The following CAMKMT variants were observed in gnomAD, a reference collection of about 807,000 sequenced individuals.
The protein encoded by CAMKMT is CaM KMT.
In CAMKMT, 53 loss-of-function variants were observed where a neutral mutation model predicts 48.0. That is an observed-to-expected ratio of 1.10 (90% CI 0.89 to 1.39). CAMKMT has a LOEUF of 1.39. CAMKMT is among the 40% of genes most tolerant of loss of function. The pLI is 0.00. For synonymous variants in CAMKMT, 165 were observed against 152.3 expected, an observed-to-expected ratio of 1.08 and a Z score of -0.61; for missense variants, 428 against 402.7, an observed-to-expected ratio of 1.06 and a Z score of -0.54.
intron 3 of CAMKMT, among the ~76,000 whole-genome samples, chr2:44,541,571 T>A (rs1667107310): frequency 6.6e-6 from 1 of 152,070 alleles, no homozygotes; most frequent in Non-Finnish European, 1.5e-5. Flanking sequence ...GATACATATA[T>A]ATATGCCTGG....
intron 8 of CAMKMT, among the ~76,000 whole-genome samples, chr2:44,748,294 G>A (rs1341427850): frequency 1.3e-5 from 2 of 152,192 alleles, no homozygotes; most frequent in Non-Finnish European, 2.9e-5. Context: ...TGTGTGCCGT[G>A]TGTTAAGCTG....
chr2:44,741,100 G>A (rs1024194024), intron 7 of CAMKMT, among the ~76,000 whole-genome samples: 6 of 152,194 alleles, frequency 3.9e-5, no homozygotes, highest in African/African-American at 7.2e-5. Context: ...ACACTGCTGC[G>A]ACATCCAAGC....
intron 3 of CAMKMT, among the ~76,000 whole-genome samples, chr2:44,516,452 A>G (rs1482652513): frequency 1.6e-4 from 25 of 152,180 alleles, no homozygotes; most frequent in Admixed American, 1.6e-3. Flanking sequence ...CCTAGTGAAT[A>G]TAACTAAGGG....
intron 3 of CAMKMT, among the ~76,000 whole-genome samples, chr2:44,678,221 T>C (rs1035397133): frequency 1.3e-5 from 2 of 152,192 alleles, no homozygotes; most frequent in African/African-American, 2.4e-5. Flanking sequence ...AAAAGTAGAC[T>C]TGTGATGGTG....
At chr2:44,633,229 T>C (rs1672940549) in intron 3 of CAMKMT, among the ~76,000 whole-genome samples, 1 of 152,200 alleles carries the variant, frequency 6.6e-6, no homozygotes, top group Non-Finnish European at 1.5e-5. Flanking sequence ...CACTGGTTTT[T>C]AGTAATTTGA....
chr2:44,477,255 C>A (rs1053825162), intron 3 of CAMKMT, among the ~76,000 whole-genome samples: 12 of 151,982 alleles, frequency 7.9e-5, no homozygotes, highest in African/African-American at 2.9e-4. Context: ...TAGAGCAAAC[C>A]CATGATGTTA....
In CAMKMT at chr2:44,516,955, T is replaced by C. The variant is rs538698727; in HGVS notation, c.376+126650T>C. ...TGGGGTTTCACCATGTTGGTCAGGC[T>C]GGATTCAAACTCCTGACCTCAAATG... On this transcript the variant is annotated intron_variant, in intron 3 of 10. Transcript: ENST00000378494. Among the ~76,000 whole-genome samples, 3 of 152,270 alleles carry C rather than the reference T, an allele frequency of 2.0e-5. No homozygotes were observed. In the East Asian group the frequency reaches 5.8e-4, roughly 29 times the overall value.
chr2:44,606,987 T>C (rs1671323415), intron 3 of CAMKMT, among the ~76,000 whole-genome samples: 2 of 152,234 alleles, frequency 1.3e-5, no homozygotes, highest in South Asian at 2.1e-4. Context: ...TTGTCAGTAT[T>C]AGTAGCTCAT....
chr2:44,446,333 CTTATA>C (rs1666996342), intron 3 of CAMKMT, among the ~76,000 whole-genome samples: 2 of 151,872 alleles, frequency 1.3e-5, no homozygotes, highest in African/African-American at 4.8e-5. Context: ...TGGTCTTTCC[CTTATA>C]TTATTTATTT....
chr2:44,688,094 G>A (rs1439996077), intron 3 of CAMKMT, among the ~76,000 whole-genome samples: 1 of 152,084 alleles, frequency 6.6e-6, no homozygotes, highest in Non-Finnish European at 1.5e-5. Flanking sequence ...GCAGGAGAAT[G>A]AAGGCTATAA....
At chr2:44,754,309 G>T (rs1254139622) in intron 9 of CAMKMT, among the ~76,000 whole-genome samples, 191 bp downstream of exon 9, 1 of 152,128 alleles carries the variant, frequency 6.6e-6, no homozygotes, top group African/African-American at 2.4e-5. Flanking sequence ...TCTTACCCTT[G>T]GCCTTCTGAT....
chr2:44,680,946 GT>G (rs751939042), intron 3 of CAMKMT, among the ~76,000 whole-genome samples: 1 of 152,208 alleles, frequency 6.6e-6, no homozygotes, highest in Non-Finnish European at 1.5e-5. Context: ...CATGCCATGG[GT>G]GACCTGCGCT....
At chr2:44,429,807 C>CAA (rs1168195679) in intron 3 of CAMKMT, among the ~76,000 whole-genome samples, 2,727 of 62,744 alleles carry the variant, frequency 0.043, 180 homozygotes, top group African/African-American at 0.053. Context: ...GACTCCGTCT[C>CAA]AAAAAAAAAA....
At chr2:44,644,315 C>T (rs1351800983) in intron 3 of CAMKMT, among the ~76,000 whole-genome samples, 1 of 152,114 alleles carries the variant, frequency 6.6e-6, no homozygotes, top group Non-Finnish European at 1.5e-5. Flanking sequence ...TTATGCCATG[C>T]TTGGAAATGA....
intron 3 of CAMKMT, among the ~76,000 whole-genome samples, chr2:44,596,548 C>G (rs1206183952): frequency 6.6e-6 from 1 of 152,102 alleles, no homozygotes; most frequent in Non-Finnish European, 1.5e-5. Flanking sequence ...ATCCAGAAAT[C>G]TCTAACAAGC....
rs1418257614 is a variant in CAMKMT, at chr2:44,390,255, C to G, written c.326C>G (p.Ser109Cys). Reference protein sequence around the residue: ...YSISLRHNSGSLNVEDVLTSF... With the variant: ...YSISLRHNSGCLNVEDVLTSF... Reference sequence around the variant, plus strand: ...CTCCTTTCTAGGCATAATAGTGGATCCTTGAATGTTGAAGATGTCCTTACC... The same window carrying G: ...CTCCTTTCTAGGCATAATAGTGGATGCTTGAATGTTGAAGATGTCCTTACC... Residue 109 changes from serine (S) to cysteine (C), a missense_variant, in exon 3 of 11, where the codon TCC becomes TGC. Ser to Cys is a moderately radical substitution (Grantham distance 112). Coordinates refer to ENST00000378494, the MANE Select transcript of CAMKMT (RefSeq NM_024766.5). 1 of 1,609,060 alleles carries G rather than the reference C, an allele frequency of 6.2e-7. No individual in the cohort carries two copies. Among genetic ancestry groups the G allele is most frequent in the Non-Finnish European group, 8.5e-7 (1 of 1,177,976 alleles).
At chr2:44,607,058 G>T (rs538547881) in intron 3 of CAMKMT, among the ~76,000 whole-genome samples, 44 of 152,338 alleles carry the variant, frequency 2.9e-4, no homozygotes, top group Non-Finnish European at 5.6e-4. Context: ...GTTTCAAGAA[G>T]TTATTTTGGT....
At chr2:44,617,961 G>C (rs1671981778) in intron 3 of CAMKMT, among the ~76,000 whole-genome samples, 1 of 152,182 alleles carries the variant, frequency 6.6e-6, no homozygotes, top group South Asian at 2.1e-4. Context: ...AAATATAGCA[G>C]AAGCATACAA....
At chr2:44,754,172 G>A in intron 9 of CAMKMT, 54 bp downstream of exon 9, 1 of 1,327,064 alleles carries the variant, frequency 7.5e-7, no homozygotes. Context: ...ATTAGTCTGT[G>A]CACAAAGATG....
Sources: gnomAD v4.1 joint callset for allele counts (sites outside exome capture counted in the v4.1 genomes callset) on GRCh38, gnomAD v4.1.1 for gene constraint, MANE v1.5 for transcripts, NCBI Gene and HGNC (gene_info 2026-07-23, HGNC 2026-07-21) for gene names.